SETD5: variants seen among roughly 807,000 people sequenced by gnomAD.
The protein encoded by SETD5 is SET domain containing 5.
Under a neutral mutation model 153.3 loss-of-function variants are expected in SETD5, and 44 were observed. That is an observed-to-expected ratio of 0.29 (90% CI 0.23 to 0.37). The LOEUF (loss-of-function observed/expected upper bound fraction) is 0.37, where lower values mean the gene tolerates loss of function less well. Ranked by LOEUF, SETD5 falls within the 10% of genes least tolerant of loss-of-function variation. The probability of loss-of-function intolerance (pLI) is 1.00; values close to 1 mark genes in which losing one functional copy is unlikely to be tolerated. For missense variants in SETD5, 1,544 were observed against 1,768.0 expected (o/e 0.87, Z 2.27); for synonymous variants, 716 against 645.2 (o/e 1.11, Z -1.66).
At chr3:9,406,157 AGAGTT>A (rs1470544902) in intron 1 of SETD5, among the ~76,000 whole-genome samples, 6 of 152,248 alleles carry the variant, frequency 3.9e-5, no homozygotes, top group Non-Finnish European at 7.3e-5. Flanking sequence ...CCAATCAGAT[AGAGTT>A]ATTTTAAAAA....
Position 9,453,706 on chromosome 3 carries a change from TATTGATAATTCTC to T in SETD5, c.2347-32_2347-20del, listed in dbSNP as rs1264753970. 6.4e-7 allele frequency: 1 copy of T among 1,556,408 alleles called. No individual in the cohort carries two copies. On this transcript the variant is annotated intron_variant, in intron 16 of 22. Coordinates refer to ENST00000402198, the MANE Select transcript of SETD5 (RefSeq NM_001080517.3). The stretch of plus-strand genomic sequence containing the variant: ...GGTGCACTAAATAGTTTTAGATAAT[TATTGATAATTCTC>T]TGGTTCTTTTCAATTATAGCGCTGG...
chr3:9,436,718 G>T (rs1015700342), intron 7 of SETD5: 1 of 715,766 alleles, frequency 1.4e-6, no homozygotes, highest in Non-Finnish European at 2.3e-6. Flanking sequence ...GAATTCCATT[G>T]TATTTTTTAC....
chr3:9,400,703 CA>C (rs1276016665), intron 1 of SETD5, among the ~76,000 whole-genome samples: 1 of 152,152 alleles, frequency 6.6e-6, no homozygotes, highest in Non-Finnish European at 1.5e-5. Flanking sequence ...TCTGACATCA[CA>C]AATATATGTC....
chr3:9,416,183 GTCT>G (rs34073644), intron 1 of SETD5, among the ~76,000 whole-genome samples: 42,675 of 151,762 alleles, frequency 0.28, 7,383 homozygotes, highest in African/African-American at 0.49. Flanking sequence ...TTTGCCCTCA[GTCT>G]TCTGTCAGCA....
At position 9,476,148 on chromosome 3, in the gene SETD5, T is replaced by G; in HGVS notation, c.*57T>G. 2 of 1,560,220 alleles carry G rather than the reference T, an allele frequency of 1.3e-6. No individual in the cohort carries two copies. The highest frequency in any genetic ancestry group is 1.7e-6 in the Non-Finnish European group (2 of 1,151,106). ...GAGCCCATAGCTGCTTCCTTCCAGCTGCCTCTGGAACCTAGGCCGAGCATA... is the reference window on the plus strand; with the variant it reads ...GAGCCCATAGCTGCTTCCTTCCAGCGGCCTCTGGAACCTAGGCCGAGCATA... On this transcript the variant is annotated 3_prime_UTR_variant, in exon 23 of 23. Coordinates refer to ENST00000402198, the MANE Select transcript of SETD5 (RefSeq NM_001080517.3).
chr3:9,458,606 C>T (rs111424853), intron 17 of SETD5, among the ~76,000 whole-genome samples: 1 of 152,184 alleles, frequency 6.6e-6, no homozygotes, highest in Admixed American at 6.5e-5. Context: ...AGACATCTGT[C>T]TCTAAAAATA....
intron 6 of SETD5, among the ~76,000 whole-genome samples, 160 bp from the exon 7 acceptor site, chr3:9,435,568 T>A (rs574501011): frequency 1.3e-5 from 2 of 152,254 alleles, no homozygotes; most frequent in Non-Finnish European, 2.9e-5. Context: ...GAATCTTGTT[T>A]TCTTAAGGAA....
chr3:9,456,490 A>C (rs2043260859), intron 17 of SETD5, among the ~76,000 whole-genome samples: 1 of 151,788 alleles, frequency 6.6e-6, no homozygotes, highest in African/African-American at 2.4e-5. Context: ...TAAAAAAAAA[A>C]AAAAAAACAA....
chr3:9,474,148 G>A (rs989356760), intron 20 of SETD5, among the ~76,000 whole-genome samples: 1 of 152,178 alleles, frequency 6.6e-6, no homozygotes, highest in African/African-American at 2.4e-5. Flanking sequence ...AACCAGTACT[G>A]TGTATCAGGC....
intron 1 of SETD5, among the ~76,000 whole-genome samples, chr3:9,403,748 A>G (rs909642185): frequency 6.6e-6 from 1 of 152,198 alleles, no homozygotes; most frequent in Non-Finnish European, 1.5e-5. Context: ...AAGACTTAGT[A>G]TGAATCATAG....
chr3:9,410,888 TC>T (rs1271051353), intron 1 of SETD5, among the ~76,000 whole-genome samples: 2 of 150,782 alleles, frequency 1.3e-5, no homozygotes, highest in African/African-American at 2.5e-5. Context: ...TTTTTTTTTT[TC>T]TTTTTTTTCT....
At position 9,469,633 on chromosome 3, in the gene SETD5, T is replaced by C. The variant is rs182668290; in HGVS notation, c.2725-826T>C. ...GTTAAAGATTCTAAGATAACGTAAT[T>C]TGAAGACTGATATGGTATGGTATCT... On this transcript the variant is annotated intron_variant, in intron 18 of 22. Coordinates refer to ENST00000402198, the MANE Select transcript of SETD5 (RefSeq NM_001080517.3). Among the ~76,000 whole-genome samples, 27 of 152,346 alleles carry C rather than the reference T, an allele frequency of 1.8e-4. No homozygotes were observed. The East Asian group carries it at 2.3e-3, about 13-fold the overall frequency.
At chr3:9,468,678 T>C in intron 18 of SETD5, 1 of 1,090,824 alleles carries the variant, frequency 9.2e-7, no homozygotes, top group Non-Finnish European at 1.3e-6. Flanking sequence ...GTCAGTGGGG[T>C]GATGGGCTGG....
At chr3:9,458,054 TAGTC>T (rs1329816251) in intron 17 of SETD5, among the ~76,000 whole-genome samples, 2 of 152,252 alleles carry the variant, frequency 1.3e-5, no homozygotes, top group Non-Finnish European at 2.9e-5. Flanking sequence ...TGGAACAAAA[TAGTC>T]AGAATAGGCC....
At chr3:9,399,591 C>G (rs1205047221) in intron 1 of SETD5, among the ~76,000 whole-genome samples, 1 of 152,106 alleles carries the variant, frequency 6.6e-6, no homozygotes, top group Non-Finnish European at 1.5e-5. Flanking sequence ...GGACATGACA[C>G]AAGGCTCTGT....
rs763287602 is a variant in SETD5 at position 9,445,246 on chromosome 3, T to C, written c.1386T>C (p.Asn462=). The C allele has an allele frequency of 1.8e-5, 29 of 1,611,456 alleles. No homozygotes were observed. Among genetic ancestry groups the C allele is most frequent in the Admixed American group, 3.4e-5 (2 of 59,514 alleles). Residue 462 remains asparagine, a synonymous_variant, in exon 12 of 23, where the codon AAT becomes AAC. Coordinates refer to ENST00000402198, the MANE Select transcript of SETD5 (RefSeq NM_001080517.3). Reference sequence around the variant, plus strand: ...AGAATGAGGCTTCAGAGGAGAATAATGACCAGCAATCACAAGAAGTTCCAG... The same window carrying C: ...AGAATGAGGCTTCAGAGGAGAATAACGACCAGCAATCACAAGAAGTTCCAG... ...EQQNEASEEN[N]DQQSQEVPEK...
Position 9,440,008 on chromosome 3 carries a change from A to C in SETD5, c.568-448A>C, listed in dbSNP as rs747078389. 6.5e-4 allele frequency among the ~76,000 whole-genome samples: 99 copies of C among 152,192 alleles called. 1 individual carries two copies. The highest frequency in any genetic ancestry group is 1.3e-4 in the Admixed American group (2 of 15,280). On this transcript the variant is annotated intron_variant, in intron 7 of 22. Coordinates refer to ENST00000402198, the MANE Select transcript of SETD5 (RefSeq NM_001080517.3). ...CATTCTCCTGGAGAATAGTCAAAAAACCAGTTTGGGCTAACACTTAACACA... is the reference window on the plus strand; with the variant it reads ...CATTCTCCTGGAGAATAGTCAAAAACCCAGTTTGGGCTAACACTTAACACA...
Position 9,475,689 on chromosome 3 carries a change from C to T in SETD5, c.3927C>T (p.Asp1309=). The part of the protein sequence containing the change: ...YSSPAHPVST[D]SLAPFTGTPG... ...GCCCCGCCCACCCTGTGTCCACAGA[C>T]TCGTTGGCCCCATTTACGGGGACAC... is the stretch of plus-strand genomic sequence containing the variant. The change falls in exon 23 of 23, where the codon GAC becomes GAT. Residue 1309 remains aspartate (D), a synonymous_variant. Coordinates refer to ENST00000402198, the MANE Select transcript of SETD5 (RefSeq NM_001080517.3). The T allele has an allele frequency of 6.2e-7, 1 of 1,614,012 alleles. No individual in the cohort carries two copies. Among genetic ancestry groups the T allele is most frequent in the Middle Eastern group, 1.6e-4 (1 of 6,062 alleles).
At chr3:9,407,781 A>C (rs1559348744) in intron 1 of SETD5, among the ~76,000 whole-genome samples, 1 of 151,580 alleles carries the variant, frequency 6.6e-6, no homozygotes, top group Non-Finnish European at 1.5e-5. Flanking sequence ...TGGGCAGATC[A>C]CCTGAGGTCT....
Sources: gnomAD v4.1 joint callset for allele counts (sites outside exome capture counted in the v4.1 genomes callset) on GRCh38, gnomAD v4.1.1 for gene constraint, MANE v1.5 for transcripts, NCBI Gene and HGNC (gene_info 2026-07-23, HGNC 2026-07-21) for gene names.